ELFN2: variants seen among roughly 807,000 people sequenced by gnomAD.
ELFN2 encodes extracellular leucine rich repeat and fibronectin type III domain containing 2, also known as protein phosphatase 1 regulatory subunit 29.
Under a neutral mutation model 45.5 loss-of-function variants are expected in ELFN2, and 17 were observed. The observed-to-expected ratio is 0.37, with a 90% confidence interval of 0.26 to 0.56. The LOEUF (loss-of-function observed/expected upper bound fraction) is 0.56, where lower values mean the gene tolerates loss of function less well. Among genes scored for constraint, ELFN2 ranks in the 20% least tolerant of loss-of-function variants. ELFN2 has a pLI of 0.77. For synonymous variants in ELFN2, 550 were observed against 551.5 expected, an observed-to-expected ratio of 1.00 and a Z score of 0.04; for missense variants, 922 against 1,183.2, an observed-to-expected ratio of 0.78 and a Z score of 3.24.
rs1931281930 is a variant in ELFN2 at position 37,368,956 on chromosome 22, C to G, written c.*4116G>C. The stretch of plus-strand genomic sequence containing the variant: ...TGGCTCCCTGTCCCCCCATCCCACA[C>G]AGGATGCTCCCTGACCAGCCTTGCC... On this transcript the variant is annotated 3_prime_UTR_variant, in exon 3 of 3. Coordinates refer to ENST00000402918, the MANE Select transcript of ELFN2 (RefSeq NM_052906.5). 1 of 151,320 alleles carries G rather than the reference C, an allele frequency of 6.6e-6. No homozygotes were observed. Among genetic ancestry groups the G allele is most frequent in the African/African-American group, 2.4e-5 (1 of 41,086 alleles). The allele number at this position is 151,320 out of a possible 1,614,324, so 9.4% of individuals were successfully genotyped here. A position where few individuals can be genotyped will look rare whatever the true frequency, so the allele number is the denominator to read the frequency against.
intron 2 of ELFN2, among the ~76,000 whole-genome samples, chr22:37,394,123 T>C (rs1185722137): frequency 6.6e-6 from 1 of 152,186 alleles, no homozygotes; most frequent in Non-Finnish European, 1.5e-5. Flanking sequence ...GTGGGCCCCT[T>C]ACTGAAACTC....
At position 37,349,599 on chromosome 22, in the gene ELFN2, C is replaced by G. The variant is rs764512845; in HGVS notation, n.149-6896G>C. ...ACCCCAGGGACATCAGATCTGCCAG[C>G]CCCTTCCTCCTCCTGCCCTGCCCTT... is the stretch of plus-strand genomic sequence containing the variant. On this transcript the variant is annotated intron_variant and non_coding_transcript_variant, in intron 1 of 2. Coordinates refer to ENST00000452946, the Ensembl canonical transcript of ELFN2. Among the ~76,000 whole-genome samples, 6 of 151,020 alleles carry G rather than the reference C, an allele frequency of 4.0e-5. 1 individual carries two copies. Among genetic ancestry groups the G allele is most frequent in the Non-Finnish European group, 8.9e-5 (6 of 67,300 alleles).
Position 37,374,381 on chromosome 22 carries a change from C to T in ELFN2, c.1154G>A (p.Gly385Glu), listed in dbSNP as rs1426834023. 3.1e-6 allele frequency: 5 copies of T among 1,613,958 alleles called. No homozygotes were observed. The highest frequency in any genetic ancestry group is 3.3e-4 in the Middle Eastern group (2 of 6,062). The change falls in exon 3 of 3, where the codon GGA becomes GAA. Residue 385 changes from glycine to glutamate, a missense_variant. Physicochemically the swap from Gly to Glu is moderately conservative, Grantham distance 98. Around this residue, in one of 2 missense-constraint regions of ELFN2, gnomAD observed 564 missense variants for 642.8 expected, o/e 0.88. Transcript: ENST00000402918. ...LTFTTRDPVP[G>E]DLAPSTSTTT... Reference sequence around the variant, plus strand: ...GGTGGAGGTGCTGGGCGCCAAGTCTCCGGGGACGGGGTCCCGCGTGGTGAA... The same window carrying T: ...GGTGGAGGTGCTGGGCGCCAAGTCTTCGGGGACGGGGTCCCGCGTGGTGAA...
At chr22:37,346,294 T>A (rs1034053146) in intron 1 of ELFN2, among the ~76,000 whole-genome samples, 1 of 152,168 alleles carries the variant, frequency 6.6e-6, no homozygotes, top group African/African-American at 2.4e-5. Flanking sequence ...AGGGCTGGCA[T>A]TGAGGGCCCT....
chr22:37,394,842 C>T (rs957350961), intron 2 of ELFN2, among the ~76,000 whole-genome samples: 67 of 152,182 alleles, frequency 4.4e-4, no homozygotes, highest in Non-Finnish European at 6.6e-4. Context: ...CAATGGCTCA[C>T]GCCTGTAATC....
At chr22:37,418,712 A>T (rs1932785391) in intron 1 of ELFN2, among the ~76,000 whole-genome samples, 1 of 151,710 alleles carries the variant, frequency 6.6e-6, no homozygotes, top group Non-Finnish European at 1.5e-5. Context: ...GAACAAAGAC[A>T]CCCTCGCCCT....
At chr22:37,389,300 G>A (rs190900065) in intron 2 of ELFN2, among the ~76,000 whole-genome samples, 114 of 152,088 alleles carry the variant, frequency 7.5e-4, no homozygotes, top group Middle Eastern at 3.4e-3. Context: ...AACCCAACCT[G>A]TGGCCCTAGA....
At chr22:37,341,496 C>T (rs1297349213) in intron 2 of ELFN2, among the ~76,000 whole-genome samples, 4 of 152,210 alleles carry the variant, frequency 2.6e-5, no homozygotes, top group African/African-American at 9.7e-5. Flanking sequence ...CTTGTCCCTG[C>T]TCTGTCACTG....
chr22:37,402,340 C>G (rs1165861750), intron 2 of ELFN2, among the ~76,000 whole-genome samples: 1 of 152,228 alleles, frequency 6.6e-6, no homozygotes, highest in African/African-American at 2.4e-5. Context: ...CGTGTTGACA[C>G]ACATTTGAGT....
At position 37,369,158 on chromosome 22, in the gene ELFN2, C is replaced by T. The variant is rs574761486; in HGVS notation, c.*3914G>A. ...ACAACCGAGTTTGTCAGCTCTAGGT[C>T]TCCTTTCCTCTCCTTTCCGTCTCTG... is the stretch of plus-strand genomic sequence containing the variant. On this transcript the variant is annotated 3_prime_UTR_variant, in exon 3 of 3. Transcript: ENST00000402918. The T allele has an allele frequency of 9.9e-5, 15 of 152,242 alleles. No homozygotes were observed. Among genetic ancestry groups the T allele is most frequent in the Admixed American group, 5.9e-4 (9 of 15,302 alleles). 9.4% of individuals were successfully genotyped at this position (152,242 alleles called of 1,614,324 possible).
At position 37,375,280 on chromosome 22, in the gene ELFN2, G is replaced by T. The variant is rs1931543941; in HGVS notation, c.255C>A (p.Asn85Lys). Residue 85 changes from asparagine (N) to lysine (K), a missense_variant, in exon 3 of 3, where the codon AAC becomes AAA. Asn to Lys is a moderately conservative substitution (Grantham distance 94, BLOSUM62 0). Coordinates refer to ENST00000402918, the MANE Select transcript of ELFN2 (RefSeq NM_052906.5). ...LNRFGNLTDLNLTKNEISYIE... is the reference protein window; with the variant it reads ...LNRFGNLTDLKLTKNEISYIE... ...TGTAGGAGATCTCGTTCTTGGTGAGGTTGAGGTCGGTGAGGTTCCCAAAGC... is the reference window on the plus strand; with the variant it reads ...TGTAGGAGATCTCGTTCTTGGTGAGTTTGAGGTCGGTGAGGTTCCCAAAGC... The T allele has an allele frequency of 6.2e-7, 1 of 1,614,054 alleles. No individual in the cohort carries two copies.
chr22:37,363,640 G>A (rs539582545), downstream of ELFN2, among the ~76,000 whole-genome samples: 20 of 152,300 alleles, frequency 1.3e-4, 1 homozygote, highest in East Asian at 3.7e-3. Context: ...GAAGGAGAAG[G>A]GGCTGCCAGC....
In ELFN2 at chr22:37,373,088, G is replaced by A. The variant is rs1400504466; in HGVS notation, c.2447C>T (p.Ala816Val). 1.3e-6 allele frequency: 2 copies of A among 1,598,586 alleles called. No individual in the cohort carries two copies. Among genetic ancestry groups the A allele is most frequent in the Non-Finnish European group, 1.7e-6 (2 of 1,168,996 alleles). ...DILDYWKGVS[A>V]QQKL ...AGGGGGGGGTCACAGCTTCTGCTGG[G>A]CGGAGACCCCCTTCCAGTAATCAAG... The change falls in exon 3 of 3, where the codon GCC (alanine) becomes GTC (valine). Residue 816 changes from alanine (A) to valine (V), a missense_variant. Physicochemically the swap from Ala to Val is moderately conservative, Grantham distance 64 (BLOSUM62 0). This residue lies in a region of ELFN2 where 564 missense variants were observed against 642.8 expected (regional missense o/e 0.88). Transcript: ENST00000402918.
At chr22:37,400,630 G>A (rs1312184851) in intron 2 of ELFN2, among the ~76,000 whole-genome samples, 2 of 152,174 alleles carry the variant, frequency 1.3e-5, no homozygotes, top group Non-Finnish European at 2.9e-5. Context: ...ACCCACCCTC[G>A]GTGGGCACGC....
intron 2 of ELFN2, among the ~76,000 whole-genome samples, chr22:37,386,299 G>A (rs1277762141): frequency 2.6e-5 from 4 of 151,992 alleles, no homozygotes; most frequent in Non-Finnish European, 4.4e-5. Flanking sequence ...TGGCTCCTTG[G>A]TCCCACCCCT....
chr22:37,387,364 A>G (rs758169674), intron 2 of ELFN2, among the ~76,000 whole-genome samples: 3 of 152,132 alleles, frequency 2.0e-5, no homozygotes, highest in African/African-American at 4.8e-5. Flanking sequence ...ATCCTGGTGT[A>G]TGGTAATTTA....
At chr22:37,394,459 G>T (rs796374071) in intron 2 of ELFN2, among the ~76,000 whole-genome samples, 6 of 152,124 alleles carry the variant, frequency 3.9e-5, no homozygotes, top group Non-Finnish European at 8.8e-5. Context: ...GGCCTGGCCC[G>T]GCCGCCTGTT....
At chr22:37,383,259 A>T (rs916514383) in intron 2 of ELFN2, among the ~76,000 whole-genome samples, 7 of 152,126 alleles carry the variant, frequency 4.6e-5, no homozygotes, top group African/African-American at 1.7e-4. Context: ...GAGAGTAAGG[A>T]GGCACCAGCG....
intron 1 of ELFN2, among the ~76,000 whole-genome samples, chr22:37,355,069 G>A (rs1469013131): frequency 2.6e-5 from 4 of 152,302 alleles, no homozygotes; most frequent in East Asian, 1.9e-4. Context: ...TTTTCAGGAC[G>A]GGAGGATACC....
Sources: gnomAD v4.1 joint callset for allele counts (sites outside exome capture counted in the v4.1 genomes callset) on GRCh38, gnomAD v4.1.1 for gene constraint, gnomAD v4.1.1 regional missense constraint, MANE v1.5 for transcripts, NCBI Gene and HGNC (gene_info 2026-07-23, HGNC 2026-07-21) for gene names.